The following FAM227B variants were observed in gnomAD, a reference collection of about 807,000 sequenced individuals.
FAM227B encodes family with sequence similarity 227 member B, also known as protein FAM227B.
Under a neutral mutation model 73.8 loss-of-function variants are expected in FAM227B, and 88 were observed. The ratio of observed to expected loss-of-function variants is 1.19; its 90% CI spans 1.00 to 1.42. The LOEUF (loss-of-function observed/expected upper bound fraction) is 1.42, where lower values mean the gene tolerates loss of function less well. Ranked by LOEUF, FAM227B falls within the 40% of genes most tolerant of loss-of-function variation. The probability of loss-of-function intolerance (pLI) is 0.00; values close to 1 mark genes in which losing one functional copy is unlikely to be tolerated. For synonymous variants in FAM227B, 210 were observed against 190.5 expected (o/e 1.10, Z -0.84); for missense variants, 632 against 590.9 (o/e 1.07, Z -0.72).
chr15:49,515,879 G>A (rs1214035294), intron 10 of FAM227B, among the ~76,000 whole-genome samples: 1 of 152,106 alleles, frequency 6.6e-6, no homozygotes, highest in Admixed American at 6.6e-5. Context: ...GTTGATGTTT[G>A]TTAGATGGGT....
At chr15:49,589,625 A>G in intron 4 of FAM227B, 151 bp downstream of exon 4, 1 of 600,094 alleles carries the variant, frequency 1.7e-6, no homozygotes. Flanking sequence ...ACAAAAAATA[A>G]GGACTGGCCA....
intron 11 of FAM227B, among the ~76,000 whole-genome samples, chr15:49,394,057 C>T (rs1466985450): frequency 6.6e-6 from 1 of 152,092 alleles, no homozygotes; most frequent in African/African-American, 2.4e-5. Context: ...GGCCCAATAA[C>T]ATCACAGGTA....
intron 13 of FAM227B, among the ~76,000 whole-genome samples, chr15:49,351,157 A>G (rs1216437428): frequency 1.3e-5 from 2 of 152,158 alleles, no homozygotes; most frequent in East Asian, 1.9e-4. Flanking sequence ...ATTTGAATTC[A>G]GGTAGTAGAG....
At chr15:49,422,522 C>T (rs1002577682) in intron 11 of FAM227B, 87 of 1,307,520 alleles carry the variant, frequency 6.7e-5, no homozygotes, top group Admixed American at 4.0e-4. Flanking sequence ...AAGTAGGTGC[C>T]CTGTTCCTTA....
chr15:49,545,666 T>C (rs950382857), intron 9 of FAM227B, among the ~76,000 whole-genome samples: 2 of 152,172 alleles, frequency 1.3e-5, no homozygotes, highest in African/African-American at 4.8e-5. Flanking sequence ...TTTTGCTGTG[T>C]CCCAGAGGTT....
At chr15:49,332,695 TA>T (rs1567086821) in intron 14 of FAM227B, among the ~76,000 whole-genome samples, 2 of 152,228 alleles carry the variant, frequency 1.3e-5, no homozygotes, top group African/African-American at 4.8e-5. Context: ...ATTTAAAAAC[TA>T]TTTTTCCATG....
At chr15:49,410,165 T>C (rs1290352662) in intron 11 of FAM227B, among the ~76,000 whole-genome samples, 1 of 152,210 alleles carries the variant, frequency 6.6e-6, no homozygotes, top group Non-Finnish European at 1.5e-5. Flanking sequence ...TCCAGCCCTT[T>C]AGGCTTCTTC....
intron 11 of FAM227B, among the ~76,000 whole-genome samples, chr15:49,467,283 C>A (rs1472283513): frequency 1.3e-5 from 2 of 152,106 alleles, no homozygotes; most frequent in African/African-American, 2.4e-5. Context: ...TCTATAACTT[C>A]TTTTTCTGAC....
intron 11 of FAM227B, among the ~76,000 whole-genome samples, chr15:49,478,885 A>T (rs1212487207): frequency 6.6e-6 from 1 of 152,196 alleles, no homozygotes; most frequent in African/African-American, 2.4e-5. Context: ...ATTGGTAATT[A>T]AAAAAAGAAT....
At chr15:49,439,138 T>C (rs1019950105) in intron 11 of FAM227B, among the ~76,000 whole-genome samples, 1 of 151,574 alleles carries the variant, frequency 6.6e-6, no homozygotes, top group African/African-American at 2.4e-5. Flanking sequence ...CATTCTCACA[T>C]TGTTGTTGGC....
chr15:49,415,705 A>C (rs1395158217), intron 11 of FAM227B, among the ~76,000 whole-genome samples: 3 of 152,236 alleles, frequency 2.0e-5, no homozygotes, highest in Non-Finnish European at 4.4e-5. Flanking sequence ...ACAAGAGTCA[A>C]GTAACTTTTG....
intron 11 of FAM227B, among the ~76,000 whole-genome samples, chr15:49,413,457 T>C (rs1247109119): frequency 4.6e-5 from 7 of 152,138 alleles, no homozygotes; most frequent in Non-Finnish European, 7.4e-5. Flanking sequence ...GTCTCGGGTA[T>C]GACTTTATCA....
chr15:49,448,896 G>C (rs2052472086), intron 11 of FAM227B, among the ~76,000 whole-genome samples: 1 of 151,540 alleles, frequency 6.6e-6, no homozygotes, highest in Non-Finnish European at 1.5e-5. Flanking sequence ...CTAACAACTG[G>C]ATACTTTCTC....
At chr15:49,483,949 T>A (rs2056177367) in intron 11 of FAM227B, among the ~76,000 whole-genome samples, 1 of 152,042 alleles carries the variant, frequency 6.6e-6, no homozygotes, top group Non-Finnish European at 1.5e-5. Flanking sequence ...TTCTGCTAAT[T>A]ATACCAAATT....
At chr15:49,334,714 G>A (rs189221681) in intron 14 of FAM227B, among the ~76,000 whole-genome samples, 1 of 152,212 alleles carries the variant, frequency 6.6e-6, no homozygotes, top group East Asian at 1.9e-4. Context: ...CATAACTGGT[G>A]GTCCTCCATT....
chr15:49,508,243 C>A lies in FAM227B; in HGVS notation c.980G>T (p.Arg327Ile), dbSNP rs549799488. 5 of 1,610,796 alleles carry A rather than the reference C, an allele frequency of 3.1e-6. No homozygotes were observed. Among genetic ancestry groups the A allele is most frequent in the East Asian group, 2.2e-5 (1 of 44,570 alleles). ...KKAPAKSVKE[R>I]IADSQEHIST... ...TATATGTTCTTGACTGTCTGCAATT[C>A]TTTCCTTTACTGATTTTGCAGGTGC... Residue 327 changes from arginine to isoleucine, a missense_variant, in exon 11 of 16, where the codon AGA becomes ATA. Physicochemically the swap from Arg to Ile is moderately conservative, Grantham distance 97 (BLOSUM62 -3). Coordinates refer to ENST00000299338, the MANE Select transcript of FAM227B (RefSeq NM_152647.3).
chr15:49,468,564 T>TA (rs2151955050), intron 11 of FAM227B, among the ~76,000 whole-genome samples: 1 of 152,326 alleles, frequency 6.6e-6, no homozygotes, highest in Non-Finnish European at 1.5e-5. Context: ...TGTGTTTTTT[T>TA]ACAATAGTGG....
intron 11 of FAM227B, among the ~76,000 whole-genome samples, chr15:49,446,132 T>A (rs2052184496): frequency 6.6e-6 from 1 of 151,594 alleles, no homozygotes; most frequent in Non-Finnish European, 1.5e-5. Flanking sequence ...GTATTATAAT[T>A]GGGAGTAGGC....
At chr15:49,343,790 G>C (rs1011501177) in intron 13 of FAM227B, 1 of 152,148 alleles carries the variant, frequency 6.6e-6, no homozygotes, top group Non-Finnish European at 1.5e-5. Flanking sequence ...TTGTCTTCAG[G>C]CATCACATGA....
Sources: allele counts gnomAD v4.1 joint callset (sites outside exome capture counted in the v4.1 genomes callset), GRCh38; gene constraint gnomAD v4.1.1; transcripts MANE v1.5; gene names NCBI Gene and HGNC (gene_info 2026-07-23, HGNC 2026-07-21).